TMC1: variants seen among roughly 807,000 people sequenced by gnomAD.
TMC1 encodes the protein transmembrane channel-like protein 1.
TMC1 carries 84 observed loss-of-function variants against 105.8 expected under a neutral mutation model. The observed-to-expected ratio is 0.79, with a 90% CI of 0.67 to 0.95. TMC1 has a LOEUF of 0.95. Ranked by LOEUF, TMC1 falls within the 40% of genes least tolerant of loss-of-function variation. The pLI is 0.00. For missense variants in TMC1, 817 were observed against 914.1 expected (o/e 0.89, Z 1.37); for synonymous variants, 315 against 311.5 (o/e 1.01, Z -0.12).
intron 17 of TMC1, among the ~76,000 whole-genome samples, chr9:72,793,134 C>T (rs1051189660): frequency 1.3e-5 from 2 of 152,170 alleles, no homozygotes; most frequent in African/African-American, 4.8e-5. Context: ...GCCACTTAAG[C>T]ACATGCAGAG....
chr9:72,603,386 TACACACACACACACACACAC>T (rs10584160), intron 2 of TMC1, among the ~76,000 whole-genome samples: 2 of 145,228 alleles, frequency 1.4e-5, no homozygotes, highest in Admixed American at 6.9e-5. Flanking sequence ...CTCTCCCCAC[TACACACACACACACACACAC>T]ACACACACAC....
chr9:72,832,510 A>G (rs1420212056), intron 23 of TMC1, among the ~76,000 whole-genome samples: 2 of 152,186 alleles, frequency 1.3e-5, no homozygotes, highest in Non-Finnish European at 2.9e-5. Context: ...ATGGTAAGTT[A>G]CTGAAGTCAG....
chr9:72,608,442 C>T (rs1011330626), intron 2 of TMC1, among the ~76,000 whole-genome samples: 7 of 152,090 alleles, frequency 4.6e-5, no homozygotes, highest in African/African-American at 1.7e-4. Context: ...CGTGGTGGCC[C>T]ACGCCTGTAA....
At chr9:72,598,823 C>G (rs1251777352) in intron 2 of TMC1, among the ~76,000 whole-genome samples, 1 of 152,156 alleles carries the variant, frequency 6.6e-6, no homozygotes, top group African/African-American at 2.4e-5. Flanking sequence ...GGACTTGTTT[C>G]TCTCCTTTTC....
At chr9:72,760,514 A>G (rs555559440) in intron 12 of TMC1, among the ~76,000 whole-genome samples, 2 of 152,228 alleles carry the variant, frequency 1.3e-5, no homozygotes, top group South Asian at 4.1e-4. Flanking sequence ...TTATCTAGGT[A>G]GAGTTTGGGG....
chr9:72,557,295 C>CG (rs1196219934), intron 1 of TMC1, among the ~76,000 whole-genome samples: 1 of 152,010 alleles, frequency 6.6e-6, no homozygotes, highest in African/African-American at 2.4e-5. Context: ...CGCTTGAACC[C>CG]GGGGGGCAAA....
chr9:72,775,396 C>T (rs1198187679), intron 13 of TMC1, among the ~76,000 whole-genome samples: 1 of 151,966 alleles, frequency 6.6e-6, no homozygotes, highest in Non-Finnish European at 1.5e-5. Flanking sequence ...AACATGGAAA[C>T]CATCAGCTCA....
chr9:72,525,496 G>A (rs576637508), intron 1 of TMC1, among the ~76,000 whole-genome samples: 179 of 152,316 alleles, frequency 1.2e-3, no homozygotes, highest in African/African-American at 4.2e-3. Context: ...GTGTGAATAA[G>A]TTAATTTCTT....
At chr9:72,759,180 G>T (rs1464201448) in intron 12 of TMC1, among the ~76,000 whole-genome samples, 7 of 152,128 alleles carry the variant, frequency 4.6e-5, no homozygotes, top group Non-Finnish European at 1.0e-4. Context: ...GAGGTGTGAT[G>T]AGATTGGTTT....
chr9:72,740,271 T>TC, intron 9 of TMC1, 62 bp downstream of exon 9: 1 of 1,430,434 alleles, frequency 7.0e-7, no homozygotes, highest in Non-Finnish European at 9.9e-7. Flanking sequence ...CACTGGTTCT[T>TC]TTCTAAAGGG....
chr9:72,594,566 A>G (rs548892147), intron 2 of TMC1, among the ~76,000 whole-genome samples: 4 of 152,190 alleles, frequency 2.6e-5, no homozygotes, highest in Admixed American at 6.5e-5. Flanking sequence ...ATGCCACATC[A>G]GCAAATTTTG....
chr9:72,553,055 C>A (rs1056611074), intron 1 of TMC1, among the ~76,000 whole-genome samples: 1 of 151,964 alleles, frequency 6.6e-6, no homozygotes, highest in African/African-American at 2.4e-5. Context: ...GTCACAGCAA[C>A]CTCTGCCTCC....
chr9:72,684,237 T>A (rs1189752035), intron 5 of TMC1, among the ~76,000 whole-genome samples: 1 of 152,156 alleles, frequency 6.6e-6, no homozygotes, highest in Non-Finnish European at 1.5e-5. Flanking sequence ...AGCTGTATCC[T>A]TTTACTCACT....
At chr9:72,625,471 G>A (rs1745946934) in intron 3 of TMC1, among the ~76,000 whole-genome samples, 1 of 151,942 alleles carries the variant, frequency 6.6e-6, no homozygotes, top group Non-Finnish European at 1.5e-5. Flanking sequence ...GGTGGATCAC[G>A]AGATCAGGAG....
chr9:72,775,408 T>A (rs1827990989), intron 13 of TMC1, among the ~76,000 whole-genome samples: 1 of 152,168 alleles, frequency 6.6e-6, no homozygotes, highest in Non-Finnish European at 1.5e-5. Flanking sequence ...ATCAGCTCAT[T>A]TAAATATTGT....
intron 19 of TMC1, among the ~76,000 whole-genome samples, chr9:72,816,681 G>A (rs1190267760): frequency 2.6e-5 from 4 of 152,014 alleles, no homozygotes; most frequent in Non-Finnish European, 5.9e-5. Flanking sequence ...GAGATGAAAC[G>A]CATGTTTTAG....
intron 17 of TMC1, among the ~76,000 whole-genome samples, chr9:72,794,502 C>T (rs961994392): frequency 7.2e-5 from 11 of 152,164 alleles, no homozygotes; most frequent in Non-Finnish European, 1.6e-4. Context: ...CCCAAAGCAT[C>T]AACACCAAAA....
chr9:72,578,503 C>T (rs1030124657), intron 2 of TMC1, among the ~76,000 whole-genome samples: 2 of 152,086 alleles, frequency 1.3e-5, no homozygotes, highest in African/African-American at 4.8e-5. Context: ...TTTTGGAGTC[C>T]GAACAACTCT....
chr9:72,814,574 G>A (rs762661013), intron 18 of TMC1, among the ~76,000 whole-genome samples: 3 of 152,084 alleles, frequency 2.0e-5, no homozygotes, highest in Non-Finnish European at 4.4e-5. Flanking sequence ...TTAATACACA[G>A]GACTCTTTAT....
Sources: gnomAD v4.1 joint callset for allele counts (sites outside exome capture counted in the v4.1 genomes callset) on GRCh38, gnomAD v4.1.1 for gene constraint, MANE v1.5 for transcripts, NCBI Gene and HGNC (gene_info 2026-07-23, HGNC 2026-07-21) for gene names.